Variants in SPTAN1 observed in about 807,000 individuals in gnomAD.
SPTAN1 encodes the protein spectrin alpha chain, non-erythrocytic 1.
In SPTAN1, 61 loss-of-function variants were observed where a neutral mutation model predicts 331.3. The ratio of observed to expected loss-of-function variants is 0.18; its 90% CI spans 0.15 to 0.23. The LOEUF is 0.23. SPTAN1 is among the 10% of genes least tolerant of loss of function. The pLI, the probability that SPTAN1 is intolerant of heterozygous loss-of-function variation, is 1.00. For missense variants in SPTAN1, 2,043 were observed against 3,147.9 expected (o/e 0.65, Z 8.40); for synonymous variants, 1,153 against 1,173.9 (o/e 0.98, Z 0.36).
intron 15 of SPTAN1, 85 bp from the exon 16 acceptor site, chr9:128,583,703 T>G: frequency 7.0e-7 from 1 of 1,435,596 alleles, no homozygotes; most frequent in South Asian, 1.2e-5. Flanking sequence ...TGTATAGTCC[T>G]TCACTAAGAT....
At chr9:128,557,070 A>G (rs1669346615) in intron 1 of SPTAN1, among the ~76,000 whole-genome samples, 1 of 152,250 alleles carries the variant, frequency 6.6e-6, no homozygotes, top group Admixed American at 6.5e-5. Context: ...CTAAGCAACA[A>G]AAGCAACTGA....
intron 15 of SPTAN1, 116 bp downstream of exon 15, chr9:128,583,397 G>T (rs575960602): frequency 1.9e-6 from 2 of 1,066,214 alleles, no homozygotes; most frequent in Non-Finnish European, 2.8e-6. Flanking sequence ...TGACTTTGGC[G>T]TTAGGGATAA....
At chr9:128,553,577 A>G (rs1023238753) in intron 1 of SPTAN1, among the ~76,000 whole-genome samples, 17 of 152,218 alleles carry the variant, frequency 1.1e-4, no homozygotes, top group African/African-American at 4.1e-4. Flanking sequence ...ATCGCTTTCA[A>G]AAGTCTCTGA....
At position 128,581,006 on chromosome 9, in the gene SPTAN1, C is replaced by A; in HGVS notation, c.1408C>A (p.Gln470Lys). 6.2e-7 allele frequency: 1 copy of A among 1,614,080 alleles called. No individual in the cohort carries two copies. Among genetic ancestry groups the A allele is most frequent in the Non-Finnish European group, 8.5e-7 (1 of 1,180,032 alleles). The change falls in exon 11 of 57, where the codon CAG becomes AAG. Residue 470 changes from glutamine to lysine, a missense_variant. By Grantham distance (53) the Gln-to-Lys change is moderately conservative (BLOSUM62 1). This residue lies in a region of SPTAN1 where 1,038 missense variants were observed against 1,531.5 expected (regional missense o/e 0.68). Transcript: ENST00000372739. ...GCAGTACGAGCAGTGCATGGACCTG[C>A]AGCTCTTCTACCGGGACACTGAGCA... is the stretch of plus-strand genomic sequence containing the variant. ...RQQYEQCMDL[Q>K]LFYRDTEQVD...
chr9:128,609,449 C>A, intron 36 of SPTAN1, 165 bp downstream of exon 36: 1 of 1,191,584 alleles, frequency 8.4e-7, no homozygotes, highest in Non-Finnish European at 1.2e-6. Flanking sequence ...AGTTTCAGAG[C>A]CATTTAAAAG....
chr9:128,582,815 A>C lies in SPTAN1; in HGVS notation c.1772A>C (p.Glu591Ala), dbSNP rs1182873506. ...DSDELKSWVN[E>A]KMKTATDEAY... Reference sequence around the variant, plus strand: ...GATGAGCTCAAGAGTTGGGTCAATGAGAAGATGAAAACTGCCACAGATGAA... The same window carrying C: ...GATGAGCTCAAGAGTTGGGTCAATGCGAAGATGAAAACTGCCACAGATGAA... The change falls in exon 14 of 57, where the codon GAG (glutamate) becomes GCG (alanine). Residue 591 changes from glutamate to alanine, a missense_variant. Around this residue, in one of 12 missense-constraint regions of SPTAN1, gnomAD observed 1,038 missense variants for 1,531.5 expected, o/e 0.68. Coordinates refer to ENST00000372739, the MANE Select transcript of SPTAN1 (RefSeq NM_001130438.3). 7 of 1,613,570 alleles carry C rather than the reference A, an allele frequency of 4.3e-6. No homozygotes were observed. The highest frequency in any genetic ancestry group is 5.1e-6 in the Non-Finnish European group (6 of 1,180,052).
intron 31 of SPTAN1, among the ~76,000 whole-genome samples, chr9:128,606,430 C>A (rs1447548077): frequency 6.7e-6 from 1 of 148,756 alleles, no homozygotes; most frequent in African/African-American, 2.5e-5. Context: ...GGGCATACTC[C>A]CTCTCATCTC....
intron 27 of SPTAN1, among the ~76,000 whole-genome samples, chr9:128,602,225 T>G (rs527956773): frequency 8.1e-4 from 123 of 151,356 alleles, no homozygotes; most frequent in African/African-American, 2.7e-3. Context: ...TTTTTTGTTT[T>G]TTTTTTTTTG....
chr9:128,624,204 C>G, intron 45 of SPTAN1, 124 bp from the exon 46 acceptor site: 1 of 1,065,716 alleles, frequency 9.4e-7, no homozygotes, highest in South Asian at 1.3e-5. Context: ...TCATTGTTTA[C>G]CCAGCAGTGG....
chr9:128,608,177 G>A lies in SPTAN1; in HGVS notation c.4392G>A (p.Arg1464=). 1 of 1,614,116 alleles carries A rather than the reference G, an allele frequency of 6.2e-7. No individual in the cohort carries two copies. Among genetic ancestry groups the A allele is most frequent in the East Asian group, 2.2e-5 (1 of 44,878 alleles). The change falls in exon 34 of 57, where the codon CGG becomes CGA. Residue 1464 remains arginine, a synonymous_variant. Transcript: ENST00000372739. Reference sequence around the variant, plus strand: ...AAGCTGAGAACTGGATGGCTGCCCGGGAGGCCTTCTTGAATACCGAAGACA... The same window carrying A: ...AAGCTGAGAACTGGATGGCTGCCCGAGAGGCCTTCTTGAATACCGAAGACA... ...CEQAENWMAA[R]EAFLNTEDKG...
At position 128,578,093 on chromosome 9, in the gene SPTAN1, C is replaced by A. The variant is rs747869001; in HGVS notation, c.1086-17C>A. On this transcript the variant is annotated splice_polypyrimidine_tract_variant and intron_variant, in intron 8 of 56. Coordinates refer to ENST00000372739, the MANE Select transcript of SPTAN1 (RefSeq NM_001130438.3). ...ACCTCCGCTGGAAACATAATGTCTT[C>A]CTTTGGTTTTCCCTAGGCTTCAACG... is the stretch of plus-strand genomic sequence containing the variant. The A allele has an allele frequency of 2.5e-5, 41 of 1,613,892 alleles. No homozygotes were observed. The African/African-American group carries it at 3.2e-4, about 13-fold the overall frequency.
intron 19 of SPTAN1, 147 bp downstream of exon 19, chr9:128,586,112 GTTTTTTT>G (rs35434571): frequency 2.1e-4 from 57 of 266,028 alleles, no homozygotes; most frequent in East Asian, 4.8e-4. Context: ...TTTTCACTTG[GTTTTTTT>G]TTTTTTTTTT....
At chr9:128,580,822 A>T in intron 10 of SPTAN1, 100 bp from the exon 11 acceptor site, 9 of 1,562,300 alleles carry the variant, frequency 5.8e-6, no homozygotes, top group Non-Finnish European at 7.9e-6. Context: ...AGGCCTGAAG[A>T]TTAGCACTAG....
intron 1 of SPTAN1, chr9:128,555,425 G>T: frequency 7.8e-7 from 1 of 1,289,114 alleles, no homozygotes; most frequent in South Asian, 1.2e-5. Context: ...GCAGAAAACG[G>T]GTTGCCTTTT....
At chr9:128,575,751 C>A (rs1434822837) in intron 5 of SPTAN1, among the ~76,000 whole-genome samples, 1 of 152,134 alleles carries the variant, frequency 6.6e-6, no homozygotes, top group Non-Finnish European at 1.5e-5. Context: ...CCTGGGCTCT[C>A]TTGGGAGCCT....
At chr9:128,589,753 T>A (rs1272182098) in intron 21 of SPTAN1, among the ~76,000 whole-genome samples, 1 of 151,014 alleles carries the variant, frequency 6.6e-6, no homozygotes, top group Non-Finnish European at 1.5e-5. Flanking sequence ...TTTTTTGTAT[T>A]TTTAGTAGAG....
intron 19 of SPTAN1, among the ~76,000 whole-genome samples, chr9:128,586,258 ATAGGCAGG>A (rs1434108820): frequency 6.6e-6 from 1 of 151,382 alleles, no homozygotes; most frequent in African/African-American, 2.4e-5. Context: ...AGTTGGAACT[ATAGGCAGG>A]TACCACTACC....
chr9:128,617,501 T>C, intron 41 of SPTAN1, 139 bp from the exon 42 acceptor site: 1 of 1,274,874 alleles, frequency 7.8e-7, no homozygotes, highest in Non-Finnish European at 1.1e-6. Context: ...AAGTAGAGGC[T>C]TTTGTTGTTC....
At chr9:128,562,896 T>G (rs942727007) in intron 1 of SPTAN1, among the ~76,000 whole-genome samples, 2 of 146,088 alleles carry the variant, frequency 1.4e-5, no homozygotes. Context: ...ACCCAGGAGG[T>G]GGAGCTTGCA....
Sources: gnomAD v4.1 joint callset for allele counts (sites outside exome capture counted in the v4.1 genomes callset) on GRCh38, gnomAD v4.1.1 for gene constraint, gnomAD v4.1.1 regional missense constraint, MANE v1.5 for transcripts, NCBI Gene and HGNC (gene_info 2026-07-23, HGNC 2026-07-21) for gene names.